HIRA: variants seen among roughly 807,000 people sequenced by gnomAD.
HIRA encodes the protein protein HIRA.
In HIRA, 13 loss-of-function variants were observed where a neutral mutation model predicts 126.6. That is an observed-to-expected ratio of 0.10 (90% CI 0.07 to 0.16). The LOEUF (loss-of-function observed/expected upper bound fraction) is 0.16. HIRA is among the 10% of genes least tolerant of loss of function. HIRA has a pLI of 1.00. For missense variants in HIRA, 834 were observed against 1,314.4 expected (o/e 0.63, Z 5.65); for synonymous variants, 511 against 520.0 (o/e 0.98, Z 0.24).
intron 1 of HIRA, among the ~76,000 whole-genome samples, chr22:19,422,749 C>T (rs1201599876): frequency 6.6e-6 from 1 of 152,204 alleles, no homozygotes; most frequent in African/African-American, 2.4e-5. Context: ...GGTCCCTACC[C>T]TCCAGGGACT....
intron 4 of HIRA, 138 bp from the exon 5 acceptor site, chr22:19,406,018 T>C: frequency 2.3e-6 from 1 of 442,404 alleles, no homozygotes; most frequent in Non-Finnish European, 4.0e-6. Flanking sequence ...GGTTGTTGAA[T>C]AAAAGGGGCT....
chr22:19,359,196 C>T (rs2088840895), intron 18 of HIRA, 140 bp downstream of exon 18: 1 of 845,452 alleles, frequency 1.2e-6, no homozygotes. Context: ...ATATGCTTGG[C>T]CTGGAGTGAA....
chr22:19,391,857 T>G (rs2089185674), intron 9 of HIRA, among the ~76,000 whole-genome samples: 2 of 152,190 alleles, frequency 1.3e-5, no homozygotes, highest in African/African-American at 2.4e-5. Context: ...TGCCTGAGTC[T>G]GGACACAAGA....
intron 5 of HIRA, among the ~76,000 whole-genome samples, chr22:19,398,487 T>C (rs2089241482): frequency 6.6e-6 from 1 of 152,304 alleles, no homozygotes; most frequent in Admixed American, 6.5e-5. Flanking sequence ...CATGGCAGAA[T>C]GCCTGGCACA....
intron 24 of HIRA, among the ~76,000 whole-genome samples, chr22:19,332,414 C>A (rs1267931140): frequency 6.6e-6 from 1 of 152,156 alleles, no homozygotes; most frequent in Non-Finnish European, 1.5e-5. Context: ...CACACTCCAA[C>A]AGGGAGGCTC....
intron 5 of HIRA, among the ~76,000 whole-genome samples, chr22:19,399,908 A>G (rs949509728): frequency 6.6e-6 from 1 of 152,230 alleles, no homozygotes; most frequent in African/African-American, 2.4e-5. Context: ...GTCTAACAAC[A>G]TAAATGCAGT....
intron 17 of HIRA, 106 bp from the exon 18 acceptor site, chr22:19,359,590 G>C: frequency 7.9e-7 from 1 of 1,266,326 alleles, no homozygotes; most frequent in South Asian, 1.8e-5. Context: ...AGGATACAGA[G>C]GCAGACTGGC....
At chr22:19,376,020 G>T (rs562591366) in intron 14 of HIRA, among the ~76,000 whole-genome samples, 28 of 152,096 alleles carry the variant, frequency 1.8e-4, no homozygotes, top group Non-Finnish European at 3.5e-4. Context: ...TTCCCCCTTT[G>T]CACTGTTCTG....
chr22:19,347,943 T>TAAACAAACA (rs1351955170), intron 24 of HIRA, among the ~76,000 whole-genome samples: 1 of 151,940 alleles, frequency 6.6e-6, no homozygotes, highest in African/African-American at 2.4e-5. Context: ...CGTCTCAAAA[T>TAAACAAACA]AAACAAACAA....
Position 19,389,429 on chromosome 22 carries a change from G to A in HIRA, c.937-875C>T, listed in dbSNP as rs966967260. Among the ~76,000 whole-genome samples the A allele has an allele frequency of 7.9e-5, 12 of 152,134 alleles. 1 individual carries two copies. The highest frequency in any genetic ancestry group is 4.1e-4 in the South Asian group (2 of 4,830). ...GCAGGGAAGAAACACACTTCCTCAC[G>A]GGATGGTGGGCTCCCATAGGTGCTG... On this transcript the variant is annotated intron_variant, in intron 9 of 24. Coordinates refer to ENST00000263208, the MANE Select transcript of HIRA (RefSeq NM_003325.4).
chr22:19,382,770 TC>T (rs67022206), intron 13 of HIRA, among the ~76,000 whole-genome samples: 9,771 of 127,438 alleles, frequency 0.077, 483 homozygotes, highest in South Asian at 0.19. Flanking sequence ...CATTTTTCTT[TC>T]TTTTTTTTTT....
At chr22:19,341,827 C>T (rs1366753166) in intron 24 of HIRA, among the ~76,000 whole-genome samples, 4 of 152,168 alleles carry the variant, frequency 2.6e-5, no homozygotes, top group African/African-American at 7.2e-5. Flanking sequence ...CTTAAATCTA[C>T]GATCTGAAAC....
chr22:19,359,185 C>T lies in HIRA; in HGVS notation c.2234+151G>A. 2 of 733,992 alleles carry T rather than the reference C, an allele frequency of 2.7e-6. 1 individual carries two copies. Among genetic ancestry groups the T allele is most frequent in the East Asian group, 6.6e-5 (2 of 30,476 alleles). The allele number at this position is 733,992 out of a possible 1,614,324, so 45.5% of individuals were successfully genotyped here. On this transcript the variant is annotated intron_variant, in intron 18 of 24. Coordinates refer to ENST00000263208, the MANE Select transcript of HIRA (RefSeq NM_003325.4). ...GCTGCAGGGACTGAGATGACAAGCA[C>T]ATATGCTTGGCCTGGAGTGAAGCCT...
intron 1 of HIRA, among the ~76,000 whole-genome samples, chr22:19,428,588 T>C (rs964613874): frequency 1.5e-4 from 23 of 152,194 alleles, no homozygotes; most frequent in Non-Finnish European, 4.4e-5. Flanking sequence ...ATGGATTCCC[T>C]GCCACACCAG....
chr22:19,334,959 G>A (rs967521513), intron 24 of HIRA, among the ~76,000 whole-genome samples: 3 of 151,620 alleles, frequency 2.0e-5, no homozygotes, highest in African/African-American at 4.8e-5. Flanking sequence ...TTTTAGCTAC[G>A]ATTCTTTTTA....
In HIRA at chr22:19,331,383, C is replaced by A; in HGVS notation, c.*57G>T. The A allele has an allele frequency of 6.2e-7, 1 of 1,610,422 alleles. No individual in the cohort carries two copies. Among genetic ancestry groups the A allele is most frequent in the Non-Finnish European group, 8.5e-7 (1 of 1,179,606 alleles). On this transcript the variant is annotated 3_prime_UTR_variant, in exon 25 of 25. Transcript: ENST00000263208. ...TCAGGTGAGAGGCGGTCCTGCATGT[C>A]ATCAGCGGCGAGAGTGTGGCCCTGC... is the stretch of plus-strand genomic sequence containing the variant.
intron 1 of HIRA, among the ~76,000 whole-genome samples, chr22:19,431,011 C>G (rs1010681879): frequency 6.6e-6 from 1 of 152,220 alleles, no homozygotes; most frequent in African/African-American, 2.4e-5. Context: ...GTAACAGTCC[C>G]TCTTGCAGAT....
At chr22:19,343,886 A>AG (rs376744270) in intron 24 of HIRA, among the ~76,000 whole-genome samples, 1,773 of 144,966 alleles carry the variant, frequency 0.012, 36 homozygotes, top group East Asian at 0.068. Flanking sequence ...AAAAAAAAAA[A>AG]AGAGAGAGAG....
intron 1 of HIRA, among the ~76,000 whole-genome samples, chr22:19,418,035 T>A (rs1348316934): frequency 6.6e-6 from 1 of 152,178 alleles, no homozygotes; most frequent in Non-Finnish European, 1.5e-5. Flanking sequence ...CTATGAATAG[T>A]CAAATTCATA....
Sources: allele counts gnomAD v4.1 joint callset (sites outside exome capture counted in the v4.1 genomes callset), GRCh38; gene constraint gnomAD v4.1.1; transcripts MANE v1.5; gene names NCBI Gene and HGNC (gene_info 2026-07-23, HGNC 2026-07-21).